Variants in NCK2 observed in about 807,000 individuals in gnomAD.
The protein encoded by NCK2 is NCK adaptor protein 2.
Under a neutral mutation model 33.9 loss-of-function variants are expected in NCK2, and 16 were observed. That is an observed-to-expected ratio of 0.47 (90% CI 0.32 to 0.72). NCK2 has a LOEUF of 0.72. Ranked by LOEUF, NCK2 falls within the 30% of genes least tolerant of loss-of-function variation. NCK2 has a pLI of 0.03. For synonymous variants in NCK2, 273 were observed against 239.9 expected (o/e 1.14, Z -1.27); for missense variants, 418 against 537.3 (o/e 0.78, Z 2.19).
chr2:105,778,872 A>T (rs1690395778), intron 1 of NCK2, among the ~76,000 whole-genome samples: 1 of 152,034 alleles, frequency 6.6e-6, no homozygotes, highest in African/African-American at 2.4e-5. Context: ...ATAGGCACAC[A>T]CCACTATACC....
At chr2:105,805,095 A>T (rs1056795328) in intron 1 of NCK2, among the ~76,000 whole-genome samples, 8 of 152,220 alleles carry the variant, frequency 5.3e-5, no homozygotes, top group African/African-American at 1.7e-4. Flanking sequence ...GGCTCTTCCT[A>T]TCTGGACAGT....
intron 1 of NCK2, among the ~76,000 whole-genome samples, chr2:105,777,251 C>T (rs78719685): frequency 2.0e-5 from 3 of 152,018 alleles, no homozygotes; most frequent in African/African-American, 7.2e-5. Context: ...CGGGGTGTTG[C>T]GGGGGGGCAA....
intron 2 of NCK2, among the ~76,000 whole-genome samples, chr2:105,843,892 T>C (rs1676746139): frequency 6.6e-6 from 1 of 152,156 alleles, no homozygotes; most frequent in African/African-American, 2.4e-5. Flanking sequence ...CCAAAGAGCA[T>C]AGCATGGAAG....
intron 2 of NCK2, among the ~76,000 whole-genome samples, chr2:105,820,749 C>G (rs140171381): frequency 5.9e-4 from 90 of 152,336 alleles, no homozygotes; most frequent in African/African-American, 1.9e-3. Flanking sequence ...AGGGCCTTGT[C>G]TGCTATGCTG....
chr2:105,853,003 T>A (rs1347601309), intron 2 of NCK2, among the ~76,000 whole-genome samples: 1 of 152,190 alleles, frequency 6.6e-6, no homozygotes, highest in East Asian at 1.9e-4. Flanking sequence ...ATAAAAAAAT[T>A]TTTTTAGCAT....
At position 105,835,388 on chromosome 2, in the gene NCK2, C is replaced by CGTAT; in HGVS notation, c.-17+18775_-17+18776insGTAT. ...TTATATATATATACATATATATACA[C>CGTAT]ATATATATATATATATACGTGTATA... is the stretch of plus-strand genomic sequence containing the variant. On this transcript the variant is annotated intron_variant, in intron 2 of 4. Transcript: ENST00000233154. Among the ~76,000 whole-genome samples the CGTAT allele has an allele frequency of 1.2e-4, 6 of 52,116 alleles. 1 individual carries two copies. The highest frequency in any genetic ancestry group is 1.8e-4 in the Non-Finnish European group (5 of 28,220). 34.2% of individuals were successfully genotyped at this position (52,116 alleles called of 152,430 possible). A position where few individuals can be genotyped will look rare whatever the true frequency, so the allele number is the denominator to read the frequency against.
chr2:105,830,736 C>T (rs549115244), intron 2 of NCK2, among the ~76,000 whole-genome samples: 17 of 130,608 alleles, frequency 1.3e-4, no homozygotes, highest in Middle Eastern at 4.3e-3. Context: ...TAATACCATT[C>T]TCATTGAGAT....
intron 3 of NCK2, among the ~76,000 whole-genome samples, chr2:105,869,404 G>A (rs1335978677): frequency 6.6e-6 from 1 of 152,140 alleles, no homozygotes; most frequent in Non-Finnish European, 1.5e-5. Context: ...ACGGGTACCA[G>A]GGGTTTCCTT....
At chr2:105,756,125 G>T (rs1211433864) in intron 1 of NCK2, among the ~76,000 whole-genome samples, 1 of 152,210 alleles carries the variant, frequency 6.6e-6, no homozygotes, top group East Asian at 1.9e-4. Flanking sequence ...GATCAAGTAG[G>T]ATCAGCCTAG....
intron 1 of NCK2, among the ~76,000 whole-genome samples, chr2:105,813,836 A>G (rs938984627): frequency 1.3e-5 from 2 of 152,238 alleles, no homozygotes; most frequent in African/African-American, 2.4e-5. Context: ...TTAAGGATCC[A>G]CATTAAAATG....
intron 2 of NCK2, among the ~76,000 whole-genome samples, chr2:105,840,634 A>C (rs1400851206): frequency 6.6e-6 from 1 of 152,222 alleles, no homozygotes; most frequent in East Asian, 1.9e-4. Flanking sequence ...TGCACGTCCC[A>C]GGTTGTTTTA....
intron 2 of NCK2, among the ~76,000 whole-genome samples, chr2:105,831,109 G>T (rs1676168368): frequency 6.6e-6 from 1 of 151,996 alleles, no homozygotes; most frequent in African/African-American, 2.4e-5. Context: ...GTTTGCTTTT[G>T]TTGCCTCTGC....
intron 2 of NCK2, among the ~76,000 whole-genome samples, chr2:105,825,427 T>C (rs1188172590): frequency 1.3e-5 from 2 of 152,202 alleles, no homozygotes; most frequent in Non-Finnish European, 2.9e-5. Flanking sequence ...TGGAGACTTG[T>C]CTTATGCTCA....
intron 1 of NCK2, among the ~76,000 whole-genome samples, chr2:105,805,616 C>A (rs1418685733): frequency 6.6e-6 from 1 of 152,140 alleles, no homozygotes; most frequent in African/African-American, 2.4e-5. Context: ...TACCTTCCAG[C>A]CCCTGTTAAC....
chr2:105,808,787 CTAA>C (rs1675183511), intron 1 of NCK2, among the ~76,000 whole-genome samples: 2 of 152,256 alleles, frequency 1.3e-5, no homozygotes, highest in South Asian at 4.1e-4. Context: ...AATCGGGACA[CTAA>C]TGAGATATGA....
chr2:105,777,852 C>T (rs1210218370), intron 1 of NCK2, among the ~76,000 whole-genome samples: 1 of 152,182 alleles, frequency 6.6e-6, no homozygotes, highest in Admixed American at 6.5e-5. Flanking sequence ...GTTCTGTGCT[C>T]GTATTGAAGA....
intron 2 of NCK2, among the ~76,000 whole-genome samples, chr2:105,836,126 T>A (rs1676424771): frequency 6.7e-6 from 1 of 149,472 alleles, no homozygotes; most frequent in South Asian, 2.1e-4. Context: ...TCCTTTTCTT[T>A]GTTCTGTTAT....
chr2:105,818,513 A>T (rs1419556330), intron 2 of NCK2, among the ~76,000 whole-genome samples: 2 of 152,104 alleles, frequency 1.3e-5, no homozygotes, highest in Non-Finnish European at 2.9e-5. Flanking sequence ...TAAGAAATAT[A>T]TATTTCCAAC....
intron 2 of NCK2, among the ~76,000 whole-genome samples, chr2:105,822,635 G>A (rs1258380635): frequency 6.6e-6 from 1 of 151,946 alleles, no homozygotes; most frequent in African/African-American, 2.4e-5. Flanking sequence ...ATACACCCTA[G>A]CAGTGTGGCT....
Sources: allele counts gnomAD v4.1 joint callset (sites outside exome capture counted in the v4.1 genomes callset), GRCh38; gene constraint gnomAD v4.1.1; transcripts MANE v1.5; gene names NCBI Gene and HGNC (gene_info 2026-07-23, HGNC 2026-07-21).